GLYCTK: variants seen among roughly 807,000 people sequenced by gnomAD.
The protein encoded by GLYCTK is glycerate kinase.
In GLYCTK, 22 loss-of-function variants were observed where a neutral mutation model predicts 24.8. The ratio of observed to expected loss-of-function variants is 0.89; its 90% CI spans 0.63 to 1.27. GLYCTK has a LOEUF of 1.27. Ranked by LOEUF, GLYCTK falls within the 50% of genes most tolerant of loss-of-function variation. GLYCTK has a pLI of 0.00. For synonymous variants in GLYCTK, 320 were observed against 297.2 expected, an observed-to-expected ratio of 1.08 and a Z score of -0.79; for missense variants, 684 against 686.7, an observed-to-expected ratio of 1.00 and a Z score of 0.04.
Position 52,294,222 on chromosome 3 carries a change from C to T in GLYCTK, c.*1096C>T, listed in dbSNP as rs1008323993. 3.7e-6 allele frequency: 2 copies of T among 534,578 alleles called. No homozygotes were observed. Among genetic ancestry groups the T allele is most frequent in the African/African-American group, 3.8e-5 (2 of 51,970 alleles). The allele number at this position is 534,578 out of a possible 1,614,324, so 33.1% of individuals were successfully genotyped here. On this transcript the variant is annotated 3_prime_UTR_variant, in exon 5 of 5. Coordinates refer to ENST00000436784, the MANE Select transcript of GLYCTK (RefSeq NM_145262.4). The stretch of plus-strand genomic sequence containing the variant: ...AGTGTCAGAACCCTCCGCTGGCTGT[C>T]CCCGCCGTGCGCCACGGCTCCAATC...
At position 52,290,397 on chromosome 3, in the gene GLYCTK, C is replaced by G; in HGVS notation, c.55C>G (p.Leu19Val). ...CTTGGCCCGAGCCCCCTTGCATCCA[C>G]TCCTCTGGCGGGGCTCAGTGGCCCG... ...PRLARAPLHP[L>V]LWRGSVARLA... The change falls in exon 2 of 5, where the codon CTC becomes GTC. Residue 19 changes from leucine (L) to valine (V), a missense_variant. By Grantham distance (32) the Leu-to-Val change is conservative. Transcript: ENST00000436784. 6.2e-7 allele frequency: 1 copy of G among 1,607,974 alleles called. No homozygotes were observed. Among genetic ancestry groups the G allele is most frequent in the Non-Finnish European group, 8.5e-7 (1 of 1,179,890 alleles).
chr3:52,293,789 C>G lies in GLYCTK; in HGVS notation c.*663C>G, dbSNP rs1700562719. ...CCATGACTCCACCATGGCACTGTCA[C>G]CATGGCTTCTCCAGCCTCAGCTTGT... On this transcript the variant is annotated 3_prime_UTR_variant, in exon 5 of 5. Transcript: ENST00000436784. 2 of 453,904 alleles carry G rather than the reference C, an allele frequency of 4.4e-6. No individual in the cohort carries two copies. The highest frequency in any genetic ancestry group is 8.8e-6 in the Non-Finnish European group (2 of 226,640). 28.1% of individuals were successfully genotyped at this position (453,904 alleles called of 1,614,324 possible). A position where few individuals can be genotyped will look rare whatever the true frequency, so the allele number is the denominator to read the frequency against.
In GLYCTK at chr3:52,292,617, GC is replaced by G. The variant is rs754427219; in HGVS notation, c.1064del (p.Ala355ValfsTer80). On this transcript the variant is annotated frameshift_variant, in exon 5 of 5. Coordinates refer to ENST00000436784, the MANE Select transcript of GLYCTK (RefSeq NM_145262.4). LOFTEE classifies it low-confidence loss of function (END_TRUNC). ...AQFYGLLAHV[A>X]RTRLTPSMAG... ...GTTCTACGGGCTGCTGGCCCATGTGGCTAGAACCCGCCTCACCCCATCCATG... is the reference window on the plus strand; with the variant it reads ...GTTCTACGGGCTGCTGGCCCATGTGGTAGAACCCGCCTCACCCCATCCATG... 6.2e-7 allele frequency: 1 copy of G among 1,612,516 alleles called. No homozygotes were observed. The highest frequency in any genetic ancestry group is 1.1e-5 in the South Asian group (1 of 90,974).
At chr3:52,290,869 G>T (rs1700443812) in intron 2 of GLYCTK, 91 bp from the exon 3 acceptor site, 4 of 1,597,068 alleles carry the variant, frequency 2.5e-6, no homozygotes, top group Admixed American at 1.7e-5. Context: ...GGGCATCTTC[G>T]TTCATGCCCC....
Position 52,289,021 on chromosome 3 carries a change from G to A in GLYCTK, c.-40+1145G>A, listed in dbSNP as rs1211292149. ...CGGTGTTTGAGATCTGTGTTGCAGT[G>A]GACAGTATCAGAGAGCCTGAGGTTG... On this transcript the variant is annotated intron_variant, in intron 1 of 4. Transcript: ENST00000436784. The A allele has an allele frequency of 2.0e-5, 3 of 152,312 alleles. No individual in the cohort carries two copies. In the East Asian group the frequency reaches 5.8e-4, roughly 29 times the overall value. The allele number at this position is 152,312 out of a possible 1,614,324, so 9.4% of individuals were successfully genotyped here.
Position 52,293,431 on chromosome 3 carries a change from C to T in GLYCTK, c.*305C>T. ...CTTGAGCCCCTCACCCTGTTTCTTT[C>T]TGTGAAGCGAGAATGTCTGAAAATA... On this transcript the variant is annotated 3_prime_UTR_variant, in exon 5 of 5. Coordinates refer to ENST00000436784, the MANE Select transcript of GLYCTK (RefSeq NM_145262.4). The T allele has an allele frequency of 3.3e-6, 2 of 615,182 alleles. No individual in the cohort carries two copies. The highest frequency in any genetic ancestry group is 6.1e-6 in the Non-Finnish European group (2 of 329,014). 38.1% of individuals were successfully genotyped at this position (615,182 alleles called of 1,614,324 possible).
In GLYCTK at chr3:52,291,936, C is replaced by A. The variant is rs567543031; in HGVS notation, c.705+14C>A. On this transcript the variant is annotated intron_variant, in intron 4 of 4. Transcript: ENST00000436784. ...TACCCTGCCCAGGTATGAGTCCCTT[C>A]TTCCCCAGGCAACCTTGGGTTGGTG... is the stretch of plus-strand genomic sequence containing the variant. The A allele has an allele frequency of 6.2e-7, 1 of 1,608,792 alleles. No individual in the cohort carries two copies. The highest frequency in any genetic ancestry group is 1.3e-5 in the African/African-American group (1 of 74,958).
In GLYCTK at chr3:52,294,444, T is replaced by C; in HGVS notation, c.*1318T>C. ...TTCCCCACCTGGGCTCTGGGCAGCC[T>C]AGCTTGCAGACAGTTCATGACCTGG... is the stretch of plus-strand genomic sequence containing the variant. On this transcript the variant is annotated 3_prime_UTR_variant, in exon 5 of 5. Coordinates refer to ENST00000436784, the MANE Select transcript of GLYCTK (RefSeq NM_145262.4). 2.3e-6 allele frequency: 1 copy of C among 444,058 alleles called. No individual in the cohort carries two copies. The highest frequency in any genetic ancestry group is 1.6e-5 in the South Asian group (1 of 61,826). The allele number at this position is 444,058 out of a possible 1,614,324, so 27.5% of individuals were successfully genotyped here.
rs1444346264 is a variant in GLYCTK at position 52,293,160 on chromosome 3, G to T, written c.*34G>T. On this transcript the variant is annotated 3_prime_UTR_variant, in exon 5 of 5. Coordinates refer to ENST00000436784, the MANE Select transcript of GLYCTK (RefSeq NM_145262.4). ...GTCACATTTTGGGAGTTCAGAGGAG[G>T]CCTACAAGGGCAAGGTCAGATGGCA... 1.2e-6 allele frequency: 2 copies of T among 1,610,786 alleles called. No homozygotes were observed. The highest frequency in any genetic ancestry group is 1.7e-6 in the Non-Finnish European group (2 of 1,179,642).
Position 52,292,899 on chromosome 3 carries a change from G to A in GLYCTK, c.1345G>A (p.Gly449Ser), listed in dbSNP as rs749070406. ...GCCGATAGATGTGCTGTTTTTGAGC[G>A]GTGGCACCGATGGGCAGGATGGGCC... ...LGPIDVLFLSGGTDGQDGPTE... is the reference protein window; with the variant it reads ...LGPIDVLFLSSGTDGQDGPTE... Residue 449 changes from glycine to serine, a missense_variant, in exon 5 of 5, where the codon GGT becomes AGT. By Grantham distance (56) the Gly-to-Ser change is moderately conservative (BLOSUM62 0). Transcript: ENST00000436784. The A allele has an allele frequency of 9.9e-6, 16 of 1,613,960 alleles. No individual in the cohort carries two copies. Among genetic ancestry groups the A allele is most frequent in the Non-Finnish European group, 1.4e-5 (16 of 1,180,036 alleles).
At chr3:52,290,851 A>C in intron 2 of GLYCTK, 109 bp from the exon 3 acceptor site, 1 of 1,585,634 alleles carries the variant, frequency 6.3e-7, no homozygotes, top group East Asian at 2.2e-5. Context: ...CCCAGGATGC[A>C]TGTCAGTGGG....
rs144060667 is a variant in GLYCTK, at chr3:52,294,910, C to T, written c.*1784C>T. 2 of 454,084 alleles carry T rather than the reference C, an allele frequency of 4.4e-6. No individual in the cohort carries two copies. The highest frequency in any genetic ancestry group is 4.0e-5 in the African/African-American group (2 of 50,080). 28.1% of individuals were successfully genotyped at this position (454,084 alleles called of 1,614,324 possible). A position where few individuals can be genotyped will look rare whatever the true frequency, so the allele number is the denominator to read the frequency against. ...TGTTGGCGTACTCAGAGTGGGAATG[C>T]ATCTCTGAGTGTACACATAGATACT... On this transcript the variant is annotated 3_prime_UTR_variant, in exon 5 of 5. Transcript: ENST00000436784.
Position 52,294,967 on chromosome 3 carries a change from G to C in GLYCTK, c.*1841G>C, listed in dbSNP as rs1447178441. The C allele has an allele frequency of 4.4e-6, 2 of 454,072 alleles. No individual in the cohort carries two copies. The highest frequency in any genetic ancestry group is 8.8e-6 in the Non-Finnish European group (2 of 226,792). The allele number at this position is 454,072 out of a possible 1,614,324, so 28.1% of individuals were successfully genotyped here. On this transcript the variant is annotated 3_prime_UTR_variant, in exon 5 of 5. Coordinates refer to ENST00000436784, the MANE Select transcript of GLYCTK (RefSeq NM_145262.4). ...AGGGCACATGACTCCCTGCATCCCTGCTGAGGGCTTTGGGTATGGATAGGA... is the reference window on the plus strand; with the variant it reads ...AGGGCACATGACTCCCTGCATCCCTCCTGAGGGCTTTGGGTATGGATAGGA...
At chr3:52,291,972 C>G in intron 4 of GLYCTK, 50 bp downstream of exon 4, 1 of 1,551,024 alleles carries the variant, frequency 6.4e-7, no homozygotes, top group Non-Finnish European at 8.9e-7. Context: ...GAGCCAGGCC[C>G]ACATGTGCCA....
rs1700330739 is a variant in GLYCTK, at chr3:52,287,828, A to G, written c.-88A>G. Reference sequence around the variant, plus strand: ...CCGGCTTCCGCTCCGCCCACCCCCTAGTACTTCCGTTCTCCAGCGCTGGGC... The same window carrying G: ...CCGGCTTCCGCTCCGCCCACCCCCTGGTACTTCCGTTCTCCAGCGCTGGGC... On this transcript the variant is annotated 5_prime_UTR_variant, in exon 1 of 5. Coordinates refer to ENST00000436784, the MANE Select transcript of GLYCTK (RefSeq NM_145262.4). 1 of 453,082 alleles carries G rather than the reference A, an allele frequency of 2.2e-6. No individual in the cohort carries two copies. Among genetic ancestry groups the G allele is most frequent in the Non-Finnish European group, 4.4e-6 (1 of 226,238 alleles). 28.1% of individuals were successfully genotyped at this position (453,082 alleles called of 1,614,324 possible).
At position 52,293,929 on chromosome 3, in the gene GLYCTK, C is replaced by G. The variant is rs747454158; in HGVS notation, c.*803C>G. ...CCAGTGCTGTTTCCTTGTGACAGCC[C>G]TTGTCCTAGGCTGAACATCCCTAGT... On this transcript the variant is annotated 3_prime_UTR_variant, in exon 5 of 5. Transcript: ENST00000436784. 2 of 453,534 alleles carry G rather than the reference C, an allele frequency of 4.4e-6. No homozygotes were observed. The highest frequency in any genetic ancestry group is 3.1e-5 in the South Asian group (2 of 64,414). 28.1% of individuals were successfully genotyped at this position (453,534 alleles called of 1,614,324 possible).
chr3:52,295,249 A>T lies in GLYCTK; in HGVS notation c.*2123A>T, dbSNP rs931075813. On this transcript the variant is annotated 3_prime_UTR_variant, in exon 5 of 5. Coordinates refer to ENST00000436784, the MANE Select transcript of GLYCTK (RefSeq NM_145262.4). ...CTTGCTCCATAAATGTCAATTTTGG[A>T]TCATTGAAGTGCCCGTCCCTTGCTC... 14 of 439,586 alleles carry T rather than the reference A, an allele frequency of 3.2e-5. No homozygotes were observed. Among genetic ancestry groups the T allele is most frequent in the African/African-American group, 2.6e-4 (13 of 49,752 alleles). 27.2% of individuals were successfully genotyped at this position (439,586 alleles called of 1,614,324 possible).
chr3:52,291,310 C>G, intron 3 of GLYCTK, 199 bp downstream of exon 3: 1 of 636,246 alleles, frequency 1.6e-6, no homozygotes, highest in South Asian at 1.9e-5. Flanking sequence ...AGTCCTCCCC[C>G]TGAGCTGACC....
chr3:52,289,131 A>T (rs1476114592), intron 1 of GLYCTK: 1 of 152,188 alleles, frequency 6.6e-6, no homozygotes, highest in African/African-American at 2.4e-5. Flanking sequence ...TGTCCCAGCC[A>T]CTCAGAAAGC....
Sources: allele counts gnomAD v4.1 joint callset, GRCh38; gene constraint gnomAD v4.1.1; transcripts MANE v1.5; gene names NCBI Gene and HGNC (gene_info 2026-07-23, HGNC 2026-07-21).